NRG3: variants seen among roughly 807,000 people sequenced by gnomAD.
The protein encoded by NRG3 is neuregulin 3.
In NRG3, 31 loss-of-function variants were observed where a neutral mutation model predicts 66.9. That is an observed-to-expected ratio of 0.46 (90% confidence interval 0.35 to 0.63). The LOEUF (loss-of-function observed/expected upper bound fraction) is 0.63, where lower values mean the gene tolerates loss of function less well. Among genes scored for constraint, NRG3 ranks in the 20% least tolerant of loss-of-function variants. NRG3 has a pLI of 0.00. For synonymous variants in NRG3, 393 were observed against 359.4 expected (o/e 1.09, Z -1.06); for missense variants, 910 against 878.9 (o/e 1.04, Z -0.45).
chr10:82,821,337 C>A (rs1349439139), intron 3 of NRG3, among the ~76,000 whole-genome samples: 1 of 152,118 alleles, frequency 6.6e-6, no homozygotes, highest in Non-Finnish European at 1.5e-5. Context: ...GGCCTTTTTA[C>A]AGCTGATTTC....
intron 1 of NRG3, among the ~76,000 whole-genome samples, chr10:82,086,385 G>A (rs2065726275): frequency 6.6e-6 from 1 of 152,086 alleles, no homozygotes; most frequent in African/African-American, 2.4e-5. Context: ...TATTTGAAGT[G>A]ATGGAAATCA....
At chr10:82,174,150 A>G (rs2072853162) in intron 1 of NRG3, among the ~76,000 whole-genome samples, 1 of 152,094 alleles carries the variant, frequency 6.6e-6, no homozygotes, top group Non-Finnish European at 1.5e-5. Flanking sequence ...ACCAAAAAAT[A>G]ACATAGAGTT....
At chr10:82,981,394 G>A (rs981030398) in intron 8 of NRG3, among the ~76,000 whole-genome samples, 5 of 152,180 alleles carry the variant, frequency 3.3e-5, no homozygotes, top group African/African-American at 4.8e-5. Flanking sequence ...ATGAATCTCA[G>A]GGAGCAATCT....
rs372472574 is a variant in NRG3 at position 82,238,919 on chromosome 10, T to TATATATATATATATATAC, written c.824-119811_824-119810insTATATATACATATATATA. Reference sequence around the variant, plus strand: ...TTATTTTTAGGTTATACCGTATATATATATATATAATATTTATATAATATA... The same window carrying TATATATATATATATATAC: ...TTATTTTTAGGTTATACCGTATATATATATATATATATATATACATATATATAATATTTATATAATATA... On this transcript the variant is annotated intron_variant, in intron 1 of 8. Coordinates refer to ENST00000372141, the MANE Select transcript of NRG3 (RefSeq NM_001010848.4). 2.1e-4 allele frequency among the ~76,000 whole-genome samples: 30 copies of TATATATATATATATATAC among 142,140 alleles called. 1 individual carries two copies. The highest frequency in any genetic ancestry group is 2.0e-3 in the Admixed American group (28 of 14,226). 93.2% of individuals were successfully genotyped at this position (142,140 alleles called of 152,430 possible).
intron 3 of NRG3, among the ~76,000 whole-genome samples, chr10:82,818,509 C>T (rs1411964094): frequency 2.0e-5 from 3 of 152,146 alleles, no homozygotes; most frequent in African/African-American, 4.8e-5. Flanking sequence ...GGCCATGACT[C>T]TTCACTTGTT....
intron 1 of NRG3, among the ~76,000 whole-genome samples, chr10:81,961,067 A>C (rs1850313236): frequency 6.6e-6 from 1 of 152,160 alleles, no homozygotes; most frequent in Admixed American, 6.5e-5. Context: ...TGTCTTACTT[A>C]ATGGACTATA....
chr10:82,233,352 G>A (rs1464465620), intron 1 of NRG3, among the ~76,000 whole-genome samples: 10 of 152,230 alleles, frequency 6.6e-5, no homozygotes, highest in Non-Finnish European at 1.0e-4. Context: ...GCGACAGAGC[G>A]AGACTCCATC....
chr10:82,874,427 A>C (rs755201099), intron 4 of NRG3, among the ~76,000 whole-genome samples: 1 of 127,172 alleles, frequency 7.9e-6, no homozygotes. Context: ...TCTGAAGTAG[A>C]CTTATTTGGA....
chr10:82,009,881 T>C (rs1331014649), intron 1 of NRG3, among the ~76,000 whole-genome samples: 7 of 152,158 alleles, frequency 4.6e-5, no homozygotes, highest in East Asian at 1.9e-4. Context: ...CAGCGCAGTA[T>C]AGAAGCACAT....
intron 2 of NRG3, among the ~76,000 whole-genome samples, chr10:82,422,064 A>G (rs528170876): frequency 1.3e-5 from 2 of 152,220 alleles, no homozygotes; most frequent in Non-Finnish European, 2.9e-5. Context: ...TAGTTAAGCA[A>G]CAGTGATACA....
At chr10:82,073,736 T>C (rs1417288067) in intron 1 of NRG3, among the ~76,000 whole-genome samples, 1 of 152,208 alleles carries the variant, frequency 6.6e-6, no homozygotes, top group Non-Finnish European at 1.5e-5. Flanking sequence ...AACGCTGTAA[T>C]TAATGCCGCA....
intron 2 of NRG3, among the ~76,000 whole-genome samples, chr10:82,485,101 G>A (rs1842575837): frequency 6.6e-6 from 1 of 152,080 alleles, no homozygotes; most frequent in South Asian, 2.1e-4. Flanking sequence ...CTCCATGCTA[G>A]CACGGTTAGA....
intron 1 of NRG3, among the ~76,000 whole-genome samples, chr10:82,299,236 G>A (rs148830529): frequency 6.6e-5 from 10 of 152,290 alleles, no homozygotes; most frequent in African/African-American, 2.4e-4. Flanking sequence ...GGTCAGAATG[G>A]TTGACAAAAT....
intron 3 of NRG3, among the ~76,000 whole-genome samples, chr10:82,748,326 T>C (rs1222591818): frequency 6.7e-6 from 1 of 149,924 alleles, no homozygotes; most frequent in African/African-American, 2.4e-5. Context: ...AACATGTATG[T>C]TATGACTAGG....
chr10:81,901,533 G>A (rs1190482538), intron 1 of NRG3, among the ~76,000 whole-genome samples: 1 of 152,082 alleles, frequency 6.6e-6, no homozygotes, highest in African/African-American at 2.4e-5. Context: ...TCTGAGCGTG[G>A]TGGCATGCTC....
At chr10:82,536,533 T>C (rs1410452252) in intron 2 of NRG3, among the ~76,000 whole-genome samples, 1 of 152,122 alleles carries the variant, frequency 6.6e-6, no homozygotes, top group African/African-American at 2.4e-5. Context: ...TTGAAGGTTA[T>C]GGTAATTTTT....
intron 2 of NRG3, among the ~76,000 whole-genome samples, chr10:82,453,235 T>C (rs1031070835): frequency 2.0e-5 from 3 of 152,176 alleles, no homozygotes; most frequent in Non-Finnish European, 4.4e-5. Context: ...GAGTAAAATT[T>C]ATTTATTTAT....
intron 1 of NRG3, among the ~76,000 whole-genome samples, chr10:82,009,097 A>G (rs35419474): frequency 0.14 from 21,598 of 152,230 alleles, 1,998 homozygotes; most frequent in East Asian, 0.35. Context: ...TCAAATATGT[A>G]TTTTATTTAA....
chr10:82,232,605 C>A, intron 1 of NRG3: 1 of 597,212 alleles, frequency 1.7e-6, no homozygotes, highest in South Asian at 2.2e-5. Context: ...CATTGTTTTT[C>A]TCTTTTGCTG....
Sources: allele counts gnomAD v4.1 joint callset (sites outside exome capture counted in the v4.1 genomes callset), GRCh38; gene constraint gnomAD v4.1.1; transcripts MANE v1.5; gene names NCBI Gene and HGNC (gene_info 2026-07-23, HGNC 2026-07-21).